Variants in PCDHGA10 observed in about 807,000 individuals in gnomAD.
The protein encoded by PCDHGA10 is protocadherin gamma-A10.
Under a neutral mutation model 59.5 loss-of-function variants are expected in PCDHGA10, and 42 were observed. The ratio of observed to expected loss-of-function variants is 0.71; its 90% CI spans 0.55 to 0.91. The LOEUF is 0.91. PCDHGA10 is among the 40% of genes least tolerant of loss of function. The pLI is 0.00. For synonymous variants in PCDHGA10, 511 were observed against 517.2 expected (o/e 0.99, Z 0.16); for missense variants, 1,111 against 1,198.2 (o/e 0.93, Z 1.07).
intron 3 of PCDHGA10, chr5:141,507,313 T>TAC (rs1554192306): frequency 6.7e-6 from 1 of 150,168 alleles, no homozygotes. Context: ...CATAATGTAC[T>TAC]AAAAAAAAAA....
intron 1 of PCDHGA10, among the ~76,000 whole-genome samples, chr5:141,449,543 C>T (rs377524476): frequency 2.7e-5 from 4 of 147,148 alleles, no homozygotes; most frequent in Non-Finnish European, 4.5e-5. Context: ...GAGCCGAGAT[C>T]GCACCACTGC....
intron 1 of PCDHGA10, among the ~76,000 whole-genome samples, chr5:141,445,567 T>C (rs1465765772): frequency 6.6e-6 from 1 of 152,142 alleles, no homozygotes; most frequent in Admixed American, 6.5e-5. Context: ...AGAGAAAGCT[T>C]ATAGTAGGGA....
chr5:141,417,902 C>G (rs2096184021), intron 1 of PCDHGA10: 1 of 1,588,280 alleles, frequency 6.3e-7, no homozygotes, highest in Non-Finnish European at 8.6e-7. Context: ...CGGCCCGCGG[C>G]AGGTACTATT....
At chr5:141,462,813 TTGG>T (rs1474162732) in intron 1 of PCDHGA10, among the ~76,000 whole-genome samples, 1 of 152,198 alleles carries the variant, frequency 6.6e-6, no homozygotes, top group African/African-American at 2.4e-5. Flanking sequence ...AATGTTTTTA[TTGG>T]ACAGCAGACA....
intron 1 of PCDHGA10, among the ~76,000 whole-genome samples, chr5:141,436,594 G>T (rs79477223): frequency 0.052 from 7,980 of 152,210 alleles, 223 homozygotes; most frequent in South Asian, 0.079. Flanking sequence ...AAAGGTCGTG[G>T]TGATGGCTAG....
At position 141,431,684 on chromosome 5, in the gene PCDHGA10, C is replaced by A. The variant is rs1017231854; in HGVS notation, c.2436+16073C>A. On this transcript the variant is annotated intron_variant, in intron 1 of 3. Transcript: ENST00000398610. This position sits in a 1 kb window ranked among gnomAD's most constrained non-coding sequence, Gnocchi z 4.8. Reference sequence around the variant, plus strand: ...AATATCAACAATAGGGGAGTTGGACCACGAGGAGTCAGGATTCTACCAGAT... The same window carrying A: ...AATATCAACAATAGGGGAGTTGGACAACGAGGAGTCAGGATTCTACCAGAT... The A allele has an allele frequency of 1.9e-6, 3 of 1,614,186 alleles. No homozygotes were observed. Among genetic ancestry groups the A allele is most frequent in the Admixed American group, 1.7e-5 (1 of 60,032 alleles).
chr5:141,485,344 C>G lies in PCDHGA10; in HGVS notation c.2437-9463C>G. On this transcript the variant is annotated intron_variant, in intron 1 of 3. Coordinates refer to ENST00000398610, the MANE Select transcript of PCDHGA10 (RefSeq NM_018913.3). This position sits in a 1 kb window ranked among gnomAD's most constrained non-coding sequence, Gnocchi z 5.7. ...CTCAAGATTTCCTGCTGGATACGGA[C>G]AGTCTGTCAGCTCGCAGGCTGCAGG... 6.2e-7 allele frequency: 1 copy of G among 1,614,116 alleles called. No individual in the cohort carries two copies. The highest frequency in any genetic ancestry group is 8.5e-7 in the Non-Finnish European group (1 of 1,180,004).
intron 1 of PCDHGA10, chr5:141,417,885 G>T (rs761442517): frequency 3.8e-6 from 6 of 1,562,926 alleles, no homozygotes; most frequent in South Asian, 1.2e-5. Context: ...GCGCAGAGGC[G>T]CCGGGCCGGC....
At position 141,511,420 on chromosome 5, in the gene PCDHGA10, G is replaced by A; in HGVS notation, c.*247G>A. On this transcript the variant is annotated 3_prime_UTR_variant, in exon 4 of 4. Coordinates refer to ENST00000398610, the MANE Select transcript of PCDHGA10 (RefSeq NM_018913.3). ...TCCAATCAACTGCTGTACCCATGGG[G>A]GTAGTGGGGTTACTGTAGACACCAA... 2.4e-6 allele frequency: 2 copies of A among 830,862 alleles called. No individual in the cohort carries two copies. Among genetic ancestry groups the A allele is most frequent in the Non-Finnish European group, 1.8e-6 (1 of 557,336 alleles). The allele number at this position is 830,862 out of a possible 1,614,324, so 51.5% of individuals were successfully genotyped here.
chr5:141,454,625 C>G (rs1193628253), intron 1 of PCDHGA10, among the ~76,000 whole-genome samples: 1 of 151,512 alleles, frequency 6.6e-6, no homozygotes, highest in Admixed American at 6.6e-5. Context: ...AGGCTGGTCT[C>G]GAACCCCCAA....
rs1375469711 is a variant in PCDHGA10, at chr5:141,512,102, C to A, written c.*929C>A. On this transcript the variant is annotated 3_prime_UTR_variant, in exon 4 of 4. Coordinates refer to ENST00000398610, the MANE Select transcript of PCDHGA10 (RefSeq NM_018913.3). ...GCCATAAACCAATAACTAGGCTGGA[C>A]CCTTCCCACTACATAATAGGGCTCA... The A allele has an allele frequency of 6.5e-6, 1 of 152,688 alleles. No individual in the cohort carries two copies. Among genetic ancestry groups the A allele is most frequent in the Non-Finnish European group, 1.5e-5 (1 of 68,070 alleles). The allele number at this position is 152,688 out of a possible 1,614,324, so 9.5% of individuals were successfully genotyped here. A position where few individuals can be genotyped will look rare whatever the true frequency, so the allele number is the denominator to read the frequency against.
At position 141,415,007 on chromosome 5, in the gene PCDHGA10, G is replaced by A. The variant is rs369009151; in HGVS notation, c.1832G>A (p.Arg611His). 1 of 1,613,654 alleles carries A rather than the reference G, an allele frequency of 6.2e-7. No individual in the cohort carries two copies. Among genetic ancestry groups the A allele is most frequent in the South Asian group, 1.1e-5 (1 of 91,066 alleles). ...DSGQNAWLSY[R>H]LLKASEPGLF... ...GGCCAGAACGCCTGGCTGTCCTACC[G>A]TCTGCTCAAGGCCAGCGAGCCGGGA... Residue 611 changes from arginine to histidine, a missense_variant, in exon 1 of 4, where the codon CGT becomes CAT. Transcript: ENST00000398610.
chr5:141,481,842 T>C (rs1402237517), intron 1 of PCDHGA10, among the ~76,000 whole-genome samples: 1 of 144,038 alleles, frequency 6.9e-6, no homozygotes, highest in Non-Finnish European at 1.5e-5. Flanking sequence ...AATCGCTTGA[T>C]GGTGGAGGTT....
At chr5:141,464,838 A>G (rs2099091245) in intron 1 of PCDHGA10, among the ~76,000 whole-genome samples, 1 of 152,182 alleles carries the variant, frequency 6.6e-6, no homozygotes, top group African/African-American at 2.4e-5. Context: ...TCCTGGGCTC[A>G]AGCAATCCTC....
chr5:141,431,624 G>C lies in PCDHGA10; in HGVS notation c.2436+16013G>C. The C allele has an allele frequency of 2.5e-6, 4 of 1,614,234 alleles. No individual in the cohort carries two copies. Among genetic ancestry groups the C allele is most frequent in the Non-Finnish European group, 3.4e-6 (4 of 1,180,038 alleles). On this transcript the variant is annotated intron_variant, in intron 1 of 3. Transcript: ENST00000398610. This position sits in a 1 kb window ranked among gnomAD's most constrained non-coding sequence, Gnocchi z 4.8. ...CTTCCGGTATGTGGACGACAAGGCG[G>C]CCCAAGTTTTCAAACTAGATTGTAA...
At chr5:141,465,032 A>C (rs2154568703) in intron 1 of PCDHGA10, among the ~76,000 whole-genome samples, 1 of 151,870 alleles carries the variant, frequency 6.6e-6, no homozygotes, top group Admixed American at 6.6e-5. Context: ...ATGAACCACC[A>C]CAAATGACCC....
chr5:141,451,007 T>A (rs2098704118), intron 1 of PCDHGA10, among the ~76,000 whole-genome samples: 1 of 151,594 alleles, frequency 6.6e-6, no homozygotes, highest in Non-Finnish European at 1.5e-5. Flanking sequence ...TTGTATTTTT[T>A]TTAGTAGAGA....
rs748041372 is a variant in PCDHGA10 at position 141,413,739 on chromosome 5, C to A, written c.564C>A (p.Ser188Arg). The change falls in exon 1 of 4, where the codon AGC (serine) becomes AGA (arginine). Residue 188 changes from serine to arginine, a missense_variant. Coordinates refer to ENST00000398610, the MANE Select transcript of PCDHGA10 (RefSeq NM_018913.3). Reference sequence around the variant, plus strand: ...AGCACTTCTCCCTAAGAGTTCAGAGCCGTGCCAATGGCGTCAAGTACCCGG... The same window carrying A: ...AGCACTTCTCCCTAAGAGTTCAGAGACGTGCCAATGGCGTCAAGTACCCGG... Reference protein sequence around the residue: ...PNKHFSLRVQSRANGVKYPEL... With the variant: ...PNKHFSLRVQRRANGVKYPEL... The A allele has an allele frequency of 6.2e-7, 1 of 1,613,424 alleles. No homozygotes were observed. The highest frequency in any genetic ancestry group is 1.1e-5 in the South Asian group (1 of 91,078).
At chr5:141,507,283 G>T (rs917383969) in intron 3 of PCDHGA10, 2 of 150,498 alleles carry the variant, frequency 1.3e-5, no homozygotes, top group Non-Finnish European at 2.9e-5. Context: ...GCATAAGTCA[G>T]TCTCAAATGT....
Sources: allele counts gnomAD v4.1 joint callset (sites outside exome capture counted in the v4.1 genomes callset), GRCh38; gene constraint gnomAD v4.1.1; non-coding constraint Gnocchi (gnomAD v3.1); transcripts MANE v1.5; gene names NCBI Gene and HGNC (gene_info 2026-07-23, HGNC 2026-07-21).